Variants in HSF1 observed in about 807,000 individuals in gnomAD.
HSF1 encodes heat shock transcription factor 1.
A neutral mutation model predicts 51.7 loss-of-function variants in HSF1; 32 were observed. The ratio of observed to expected loss-of-function variants is 0.62; its 90% CI spans 0.47 to 0.83. HSF1 has a LOEUF of 0.83. Among genes scored for constraint, HSF1 ranks in the 40% least tolerant of loss-of-function variants. The pLI, the probability that HSF1 is intolerant of heterozygous loss-of-function variation, is 0.00. For synonymous variants in HSF1, 396 were observed against 309.7 expected (o/e 1.28, Z -2.92); for missense variants, 727 against 717.0 (o/e 1.01, Z -0.16).
chr8:144,294,909 G>C (rs1815355042), intron 1 of HSF1, among the ~76,000 whole-genome samples: 1 of 152,242 alleles, frequency 6.6e-6, no homozygotes. Context: ...ATCCACATAA[G>C]AGCATGGGCG....
chr8:144,305,574 T>G (rs1243212945), intron 1 of HSF1, among the ~76,000 whole-genome samples: 2 of 152,212 alleles, frequency 1.3e-5, no homozygotes, highest in Admixed American at 6.5e-5. Context: ...GTGCTGAGAT[T>G]ACAGGCGTGA....
chr8:144,310,582 GC>G (rs1273207255), intron 4 of HSF1: 2 of 161,788 alleles, frequency 1.2e-5, no homozygotes, highest in Admixed American at 1.1e-4. Context: ...GGAGCCACCG[GC>G]TTTGTGATTC....
chr8:144,309,458 G>T lies in HSF1; in HGVS notation c.230G>T (p.Gly77Val). 1 of 1,613,968 alleles carries T rather than the reference G, an allele frequency of 6.2e-7. No individual in the cohort carries two copies. Among genetic ancestry groups the T allele is most frequent in the Admixed American group, 1.7e-5 (1 of 60,018 alleles). ...CCCCCTTCCCTGTTATGTGCAGATG[G>T]CTTCCGGAAAGTGGTCCACATCGAG... Reference protein sequence around the residue: ...ASFVRQLNMYGFRKVVHIEQG... With the variant: ...ASFVRQLNMYVFRKVVHIEQG... Residue 77 changes from glycine (G) to valine (V), a missense_variant, in exon 3 of 13, where the codon GGC becomes GTC. This residue lies in a region of HSF1 where 257 missense variants were observed against 318.3 expected (regional missense o/e 0.81). Transcript: ENST00000528838.
chr8:144,312,515 G>A (rs1181498473), intron 9 of HSF1: 53 of 991,300 alleles, frequency 5.3e-5, no homozygotes, highest in Non-Finnish European at 7.3e-5. Context: ...CACAGGCCAC[G>A]GGCCCTGGCA....
Position 144,312,185 on chromosome 8 carries a change from T to TGCCCACCCCCCCCCCC in HSF1, c.1083_1084insGCCCACCCCCCCCCCC (p.Pro362AlafsTer15). The TGCCCACCCCCCCCCCC allele has an allele frequency of 6.5e-7, 1 of 1,532,948 alleles. No individual in the cohort carries two copies. The highest frequency in any genetic ancestry group is 8.9e-7 in the Non-Finnish European group (1 of 1,117,510). The allele number at this position is 1,532,948 out of a possible 1,614,324, so 95.0% of individuals were successfully genotyped here. A position where few individuals can be genotyped will look rare whatever the true frequency, so the allele number is the denominator to read the frequency against. On this transcript the variant is annotated frameshift_variant, in exon 9 of 13. Coordinates refer to ENST00000528838, the MANE Select transcript of HSF1 (RefSeq NM_005526.4). LOFTEE classifies it high-confidence loss of function. ...GCCACACGGACACCGAGGGCCGGCCTCCCTCCCCCCCGCCCACCTCCACCC... is the reference window on the plus strand; with the variant it reads ...GCCACACGGACACCGAGGGCCGGCCTGCCCACCCCCCCCCCCCCCTCCCCCCCGCCCACCTCCACCC...
At chr8:144,298,751 T>G (rs1554841772) in intron 1 of HSF1, among the ~76,000 whole-genome samples, 1 of 152,162 alleles carries the variant, frequency 6.6e-6, no homozygotes, top group Non-Finnish European at 1.5e-5. Flanking sequence ...CTAGAATGTG[T>G]GGGGTGTGGT....
chr8:144,311,060 A>G (rs1208365550), intron 4 of HSF1, 114 bp from the exon 5 acceptor site: 3 of 990,224 alleles, frequency 3.0e-6, no homozygotes, highest in Non-Finnish European at 3.0e-6. Flanking sequence ...GCCAGGCCAG[A>G]CATGGTCACA....
At position 144,297,508 on chromosome 8, in the gene HSF1, G is replaced by T. The variant is rs1815549781; in HGVS notation, c.117+5634G>T. Reference sequence around the variant, plus strand: ...GAAGAGTGTTTATGAGAAAGGTGCGGGTGGCTCAGATGTGGACAGAACCAG... The same window carrying T: ...GAAGAGTGTTTATGAGAAAGGTGCGTGTGGCTCAGATGTGGACAGAACCAG... On this transcript the variant is annotated intron_variant, in intron 1 of 12. Coordinates refer to ENST00000528838, the MANE Select transcript of HSF1 (RefSeq NM_005526.4). The surrounding 1 kb of genome is among the most constrained non-coding windows in gnomAD (Gnocchi z 4.6). Among the ~76,000 whole-genome samples, 1 of 152,154 alleles carries T rather than the reference G, an allele frequency of 6.6e-6. No homozygotes were observed. The highest frequency in any genetic ancestry group is 1.5e-5 in the Non-Finnish European group (1 of 68,032).
chr8:144,298,650 A>G (rs1554841756), intron 1 of HSF1, among the ~76,000 whole-genome samples: 2 of 152,072 alleles, frequency 1.3e-5, no homozygotes, highest in African/African-American at 4.8e-5. Flanking sequence ...GAGGTAAACC[A>G]CAAAATTGTC....
In HSF1 at chr8:144,313,146, C is replaced by T. The variant is rs1392791900; in HGVS notation, c.1143-365C>T. On this transcript the variant is annotated intron_variant, in intron 9 of 12. Coordinates refer to ENST00000528838, the MANE Select transcript of HSF1 (RefSeq NM_005526.4). ...CAGGGCAGGGACTGAGCCACCCACA[C>T]ACTGAGCAGAGCCCCACCTGTTTTC... 3 of 387,168 alleles carry T rather than the reference C, an allele frequency of 7.7e-6. No individual in the cohort carries two copies. The Admixed American group carries it at 1.2e-4, about 16-fold the overall frequency. 24.0% of individuals were successfully genotyped at this position (387,168 alleles called of 1,614,324 possible).
chr8:144,299,215 G>A (rs1225283858), intron 1 of HSF1, among the ~76,000 whole-genome samples: 2 of 152,028 alleles, frequency 1.3e-5, no homozygotes, highest in Non-Finnish European at 2.9e-5. Context: ...GCCGAAGCAG[G>A]CGGATTATCT....
chr8:144,311,639 G>C, intron 7 of HSF1, 38 bp downstream of exon 7: 1 of 1,612,170 alleles, frequency 6.2e-7, no homozygotes, highest in Middle Eastern at 1.6e-4. Flanking sequence ...CAGGCATGCA[G>C]GCGGCAGTGG....
chr8:144,292,908 A>T (rs1815195307), intron 1 of HSF1, among the ~76,000 whole-genome samples: 1 of 152,068 alleles, frequency 6.6e-6, no homozygotes, highest in Non-Finnish European at 1.5e-5. Flanking sequence ...GTTGCACTGA[A>T]CCAAGATCCC....
intron 1 of HSF1, among the ~76,000 whole-genome samples, chr8:144,304,548 G>A (rs1307144889): frequency 2.0e-5 from 3 of 152,298 alleles, no homozygotes; most frequent in Non-Finnish European, 4.4e-5. Flanking sequence ...CCAAAGTGCT[G>A]GGATTACAGG....
chr8:144,291,972 C>G lies in HSF1; in HGVS notation c.117+98C>G. The G allele has an allele frequency of 1.7e-6, 1 of 572,766 alleles. No homozygotes were observed. The highest frequency in any genetic ancestry group is 2.7e-6 in the Non-Finnish European group (1 of 365,302). 35.5% of individuals were successfully genotyped at this position (572,766 alleles called of 1,614,324 possible). A position where few individuals can be genotyped will look rare whatever the true frequency, so the allele number is the denominator to read the frequency against. On this transcript the variant is annotated intron_variant, in intron 1 of 12. Coordinates refer to ENST00000528838, the MANE Select transcript of HSF1 (RefSeq NM_005526.4). This position sits in a 1 kb window ranked among gnomAD's most constrained non-coding sequence, Gnocchi z 4.1. ...GGCTGCGGGGAGGGGCCCTGCCGCA[C>G]TTCAGCTTACGCGCGGTGAGCCTGC...
intron 10 of HSF1, 91 bp downstream of exon 10, chr8:144,313,707 G>GCCTCCCCGCCCCGCCTCCCCGCCTCC: frequency 2.7e-5 from 1 of 37,436 alleles, no homozygotes; most frequent in Admixed American, 3.8e-4. Context: ...TCCCCGCGCC[G>GCCTCCCCGCCCCGCCTCCCCGCCTCC]CCGCCCCGCC....
intron 1 of HSF1, among the ~76,000 whole-genome samples, chr8:144,296,281 T>C (rs113149587): frequency 0.93 from 141,377 of 152,288 alleles, 66,480 homozygotes; most frequent in East Asian, 1. Flanking sequence ...CAGACCCTGG[T>C]CACAGATCGT....
At chr8:144,295,485 G>A (rs1259440907) in intron 1 of HSF1, among the ~76,000 whole-genome samples, 4 of 152,272 alleles carry the variant, frequency 2.6e-5, no homozygotes, top group African/African-American at 9.6e-5. Flanking sequence ...AGGTTAGAAC[G>A]AACCCAGGTA....
At chr8:144,310,692 C>T (rs1816575252) in intron 4 of HSF1, 1 of 188,156 alleles carries the variant, frequency 5.3e-6, no homozygotes, top group African/African-American at 2.3e-5. Flanking sequence ...TGGCCCTGCT[C>T]ACCTGGCTGG....
Sources: gnomAD v4.1 joint callset for allele counts (sites outside exome capture counted in the v4.1 genomes callset) on GRCh38, gnomAD v4.1.1 for gene constraint, gnomAD v4.1.1 regional missense constraint, Gnocchi (gnomAD v3.1) non-coding constraint, MANE v1.5 for transcripts, NCBI Gene and HGNC (gene_info 2026-07-23, HGNC 2026-07-21) for gene names.